Variants in DOK6 observed in about 807,000 individuals in gnomAD.
The protein encoded by DOK6 is docking protein 6.
In DOK6, 22 loss-of-function variants were observed where a neutral mutation model predicts 44.0. The ratio of observed to expected loss-of-function variants is 0.50; its 90% CI spans 0.36 to 0.71. DOK6 has a LOEUF of 0.71. DOK6 is among the 30% of genes least tolerant of loss of function. The pLI is 0.00. For synonymous variants in DOK6, 166 were observed against 145.5 expected (o/e 1.14, Z -1.01); for missense variants, 340 against 416.4 (o/e 0.82, Z 1.60).
chr18:69,747,517 T>G (rs1979024831), intron 6 of DOK6, among the ~76,000 whole-genome samples: 1 of 152,136 alleles, frequency 6.6e-6, no homozygotes. Context: ...ACCTTCCTAG[T>G]AACTTAGGTC....
chr18:69,605,708 TA>T (rs2144626577), intron 3 of DOK6, among the ~76,000 whole-genome samples: 1 of 152,136 alleles, frequency 6.6e-6, no homozygotes, highest in Non-Finnish European at 1.5e-5. Flanking sequence ...TGATAAAAAC[TA>T]TGAGAAAATA....
chr18:69,617,272 ATTGTAC>A (rs2144635456), intron 3 of DOK6, among the ~76,000 whole-genome samples: 2 of 152,082 alleles, frequency 1.3e-5, no homozygotes, highest in South Asian at 4.2e-4. Flanking sequence ...GTGAGCTGTG[ATTGTAC>A]CACTGCACTC....
At chr18:69,494,490 C>CA (rs1290189224) in intron 1 of DOK6, among the ~76,000 whole-genome samples, 395 of 132,548 alleles carry the variant, frequency 3.0e-3, no homozygotes, top group African/African-American at 0.01. Context: ...AACAAACAAA[C>CA]AAAAAAAAAG....
At chr18:69,806,691 G>T (rs578112160) in intron 7 of DOK6, among the ~76,000 whole-genome samples, 2 of 151,942 alleles carry the variant, frequency 1.3e-5, no homozygotes, top group African/African-American at 4.8e-5. Context: ...CAGCCTTAGG[G>T]ATCAATATTT....
chr18:69,789,210 A>T (rs2145095921), intron 7 of DOK6, among the ~76,000 whole-genome samples: 1 of 152,320 alleles, frequency 6.6e-6, no homozygotes, highest in South Asian at 2.1e-4. Context: ...ATTAGTATTT[A>T]TTCATAGGCT....
intron 7 of DOK6, among the ~76,000 whole-genome samples, chr18:69,814,188 C>T (rs1469261679): frequency 6.6e-6 from 1 of 151,922 alleles, no homozygotes; most frequent in Non-Finnish European, 1.5e-5. Context: ...AAAGAAAATC[C>T]AAGGAAAAAT....
At chr18:69,703,716 A>G (rs1402878622) in intron 5 of DOK6, among the ~76,000 whole-genome samples, 1 of 152,204 alleles carries the variant, frequency 6.6e-6, no homozygotes, top group African/African-American at 2.4e-5. Flanking sequence ...ATTGCCATGC[A>G]TAGCAGGGGA....
At chr18:69,647,262 T>C (rs975810739) in intron 3 of DOK6, 2 of 152,206 alleles carry the variant, frequency 1.3e-5, no homozygotes, top group Non-Finnish European at 2.9e-5. Flanking sequence ...TTTTCTTATG[T>C]ACTTGTAAAG....
chr18:69,601,610 C>T (rs915939112), intron 3 of DOK6, among the ~76,000 whole-genome samples: 2 of 152,238 alleles, frequency 1.3e-5, no homozygotes, highest in African/African-American at 4.8e-5. Flanking sequence ...CTTATCGTTA[C>T]ACAAGGTTCT....
intron 7 of DOK6, among the ~76,000 whole-genome samples, chr18:69,801,067 C>T (rs117411365): frequency 0.013 from 1,983 of 147,130 alleles, 22 homozygotes; most frequent in South Asian, 0.034. Context: ...ATATGCCCAG[C>T]CTTTTTCTTT....
Position 69,516,842 on chromosome 18 carries a change from A to ATT in DOK6, c.67-47630_67-47629dup, listed in dbSNP as rs34387851. The stretch of plus-strand genomic sequence containing the variant: ...AGGCATGCACCACCACGCACGGCTA[A>ATT]TTTTTTTTTTTTTTTTCTAGTGAAG... On this transcript the variant is annotated intron_variant, in intron 1 of 7. Transcript: ENST00000382713. Among the ~76,000 whole-genome samples, 962 of 140,000 alleles carry ATT rather than the reference A, an allele frequency of 6.9e-3. 8 individuals are homozygous for ATT. Among genetic ancestry groups the ATT allele is most frequent in the Middle Eastern group, 0.036 (10 of 278 alleles). 91.8% of individuals were successfully genotyped at this position (140,000 alleles called of 152,430 possible).
chr18:69,492,006 T>C (rs190922323), intron 1 of DOK6, among the ~76,000 whole-genome samples: 42 of 152,336 alleles, frequency 2.8e-4, no homozygotes, highest in Admixed American at 1.6e-3. Context: ...TGGCTATATC[T>C]GTTACAAAGT....
rs148324841 is a variant in DOK6 at position 69,541,188 on chromosome 18, C to T, written c.67-23299C>T. Among the ~76,000 whole-genome samples the T allele has an allele frequency of 6.4e-3, 925 of 143,774 alleles. 15 individuals are homozygous for T. Among genetic ancestry groups the T allele is most frequent in the African/African-American group, 0.021 (862 of 40,986 alleles). 94.3% of individuals were successfully genotyped at this position (143,774 alleles called of 152,430 possible). On this transcript the variant is annotated intron_variant, in intron 1 of 7. Transcript: ENST00000382713. ...CCCAAATATAACTATGATGTTCCCC[C>T]ATTGTCAACATGTACTTACTGTATA...
At chr18:69,833,916 T>A (rs1002485266) in intron 7 of DOK6, among the ~76,000 whole-genome samples, 3 of 152,136 alleles carry the variant, frequency 2.0e-5, no homozygotes, top group Admixed American at 2.0e-4. Context: ...ACAAATGCTG[T>A]CAAGGATGTG....
chr18:69,578,850 A>C (rs36138334), intron 2 of DOK6, among the ~76,000 whole-genome samples: 27,496 of 150,862 alleles, frequency 0.18, 3,035 homozygotes, highest in Middle Eastern at 0.34. Flanking sequence ...GTGAGAAATT[A>C]TTCTTGAATA....
chr18:69,496,529 T>C (rs1980896502), intron 1 of DOK6, among the ~76,000 whole-genome samples: 1 of 152,242 alleles, frequency 6.6e-6, no homozygotes, highest in African/African-American at 2.4e-5. Context: ...ACACTTAAAT[T>C]TCACACAGTT....
rs553801574 is a variant in DOK6 at position 69,670,643 on chromosome 18, G to A, written c.290-7091G>A. ...TCCTGCCTCAGCCTCCCAAGTAGCT[G>A]GGATTACAGGCACAAGCCACCATGC... is the stretch of plus-strand genomic sequence containing the variant. On this transcript the variant is annotated intron_variant, in intron 3 of 7. Coordinates refer to ENST00000382713, the MANE Select transcript of DOK6 (RefSeq NM_152721.6). 4.4e-4 allele frequency among the ~76,000 whole-genome samples: 66 copies of A among 151,674 alleles called. 1 individual carries two copies. The highest frequency in any genetic ancestry group is 1.5e-3 in the African/African-American group (64 of 41,360).
At chr18:69,758,646 A>C (rs191877407) in intron 7 of DOK6, among the ~76,000 whole-genome samples, 6 of 152,346 alleles carry the variant, frequency 3.9e-5, no homozygotes, top group Non-Finnish European at 8.8e-5. Context: ...AAGAAACTAG[A>C]AACTAAGAAA....
At chr18:69,675,930 G>GT (rs931480074) in intron 3 of DOK6, among the ~76,000 whole-genome samples, 2 of 151,976 alleles carry the variant, frequency 1.3e-5, no homozygotes, top group African/African-American at 4.8e-5. Context: ...TTTGTTTTTT[G>GT]TTTTTTGTTT....
Sources: allele counts gnomAD v4.1 joint callset (sites outside exome capture counted in the v4.1 genomes callset), GRCh38; gene constraint gnomAD v4.1.1; transcripts MANE v1.5; gene names NCBI Gene and HGNC (gene_info 2026-07-23, HGNC 2026-07-21).